The following MAST4 variants were observed in gnomAD, a reference collection of about 807,000 sequenced individuals.
MAST4 encodes the protein microtubule-associated serine/threonine-protein kinase 4.
In MAST4, 89 loss-of-function variants were observed where a neutral mutation model predicts 162.7. That is an observed-to-expected ratio of 0.55 (90% confidence interval 0.46 to 0.65). MAST4 has a LOEUF of 0.65. Among genes scored for constraint, MAST4 ranks in the 30% least tolerant of loss-of-function variants. The probability of loss-of-function intolerance (pLI) is 0.00; values close to 1 mark genes in which losing one functional copy is unlikely to be tolerated. For synonymous variants in MAST4, 1,479 were observed against 1,361.1 expected (o/e 1.09, Z -1.91); for missense variants, 3,153 against 3,374.0 (o/e 0.93, Z 1.62).
At chr5:67,054,004 A>G (rs535379593) in intron 4 of MAST4, among the ~76,000 whole-genome samples, 2 of 152,258 alleles carry the variant, frequency 1.3e-5, no homozygotes, top group Non-Finnish European at 2.9e-5. Flanking sequence ...GTGCGTCATT[A>G]TAAGATTAAT....
intron 27 of MAST4, among the ~76,000 whole-genome samples, chr5:67,161,644 G>A (rs1048730395): frequency 5.3e-5 from 8 of 152,182 alleles, no homozygotes; most frequent in Non-Finnish European, 7.3e-5. Flanking sequence ...AATACAAAGC[G>A]ACTTCTTTGG....
At chr5:67,110,758 T>G (rs1369110385) in intron 11 of MAST4, among the ~76,000 whole-genome samples, 1 of 152,226 alleles carries the variant, frequency 6.6e-6, no homozygotes, top group Non-Finnish European at 1.5e-5. Context: ...ATGTGGTGGC[T>G]CACGCCTGTA....
chr5:66,692,505 G>A lies in MAST4; in HGVS notation c.364-67204G>A, dbSNP rs183592635. On this transcript the variant is annotated intron_variant, in intron 1 of 28. Coordinates refer to ENST00000403625, the MANE Select transcript of MAST4 (RefSeq NM_001164664.2). The stretch of plus-strand genomic sequence containing the variant: ...GCCCATGTTCATCTTCCATCCCTGG[G>A]AGATGAACCAGGGCTATTCCGCAAG... Among the ~76,000 whole-genome samples, 967 of 151,764 alleles carry A rather than the reference G, an allele frequency of 6.4e-3. 30 individuals are homozygous for A. The highest frequency in any genetic ancestry group is 0.057 in the Admixed American group (871 of 15,216).
chr5:66,858,631 T>C (rs1424006594), intron 3 of MAST4, among the ~76,000 whole-genome samples: 1 of 152,232 alleles, frequency 6.6e-6, no homozygotes, highest in Non-Finnish European at 1.5e-5. Flanking sequence ...GTTCTTCTTT[T>C]ATTTAGAATT....
intron 10 of MAST4, among the ~76,000 whole-genome samples, 177 bp from the exon 11 acceptor site, chr5:67,109,921 G>T (rs148630392): frequency 6.6e-6 from 1 of 152,144 alleles, no homozygotes; most frequent in Non-Finnish European, 1.5e-5. Flanking sequence ...AGATATAGGC[G>T]TTTAATAGTG....
chr5:66,997,590 C>T (rs1750814377), intron 4 of MAST4, among the ~76,000 whole-genome samples: 1 of 152,054 alleles, frequency 6.6e-6, no homozygotes, highest in African/African-American at 2.4e-5. Context: ...TGCCACCATG[C>T]CCAGCTAATT....
At chr5:66,927,089 G>T (rs6862597) in intron 4 of MAST4, among the ~76,000 whole-genome samples, 20,657 of 152,038 alleles carry the variant, frequency 0.14, 1,971 homozygotes, top group African/African-American at 0.27. Flanking sequence ...ATTTCCTCTC[G>T]TTTTCTTTTA....
chr5:66,616,023 C>A (rs942525583), intron 1 of MAST4, among the ~76,000 whole-genome samples: 1 of 152,232 alleles, frequency 6.6e-6, no homozygotes, highest in Non-Finnish European at 1.5e-5. Context: ...GAGAGCAGAG[C>A]CCTTGCTTGT....
chr5:66,890,413 A>C (rs1762294599), intron 3 of MAST4, among the ~76,000 whole-genome samples: 1 of 152,156 alleles, frequency 6.6e-6, no homozygotes, highest in Non-Finnish European at 1.5e-5. Context: ...TCAAGGGTAT[A>C]ATGTGTTAGG....
intron 9 of MAST4, among the ~76,000 whole-genome samples, chr5:67,103,143 G>A (rs1765213647): frequency 6.6e-6 from 1 of 152,256 alleles, no homozygotes. Flanking sequence ...ACTGGTAAAG[G>A]AACATGAATT....
intron 1 of MAST4, among the ~76,000 whole-genome samples, chr5:66,731,067 C>A (rs1245937314): frequency 1.3e-5 from 2 of 152,112 alleles, no homozygotes; most frequent in Non-Finnish European, 2.9e-5. Context: ...ATAAAATAAG[C>A]ATTATCCCAC....
chr5:66,937,043 A>C (rs1248744411), intron 4 of MAST4, among the ~76,000 whole-genome samples: 1 of 152,050 alleles, frequency 6.6e-6, no homozygotes, highest in Admixed American at 6.6e-5. Context: ...GTAAGCTTTC[A>C]CTCATTGGAG....
rs907095073 is a variant in MAST4, at chr5:67,097,931, A to G, written c.912+2256A>G. 3.9e-5 allele frequency among the ~76,000 whole-genome samples: 6 copies of G among 152,028 alleles called. No individual in the cohort carries two copies. In the East Asian group the frequency reaches 5.8e-4, roughly 15 times the overall value. On this transcript the variant is annotated intron_variant, in intron 7 of 28. Coordinates refer to ENST00000403625, the MANE Select transcript of MAST4 (RefSeq NM_001164664.2). Reference sequence around the variant, plus strand: ...TTTTTCTCAGTTTCTTTGTGTTTCTATTCTTTAAATATTAGGGCAAAAACT... The same window carrying G: ...TTTTTCTCAGTTTCTTTGTGTTTCTGTTCTTTAAATATTAGGGCAAAAACT...
At chr5:66,811,355 G>A (rs894373660) in intron 3 of MAST4, among the ~76,000 whole-genome samples, 2 of 152,130 alleles carry the variant, frequency 1.3e-5, no homozygotes, top group African/African-American at 2.4e-5. Flanking sequence ...CCATTTTTGG[G>A]TAGGAGGGAA....
intron 1 of MAST4, among the ~76,000 whole-genome samples, chr5:66,634,648 T>A (rs1049648879): frequency 1.3e-5 from 2 of 152,158 alleles, no homozygotes; most frequent in Non-Finnish European, 2.9e-5. Context: ...AGGGAGCAAA[T>A]AATCATAATA....
chr5:67,104,401 T>C lies in MAST4; in HGVS notation c.1182T>C (p.Ile394=). Residue 394 remains isoleucine, a synonymous_variant, in exon 10 of 29, where the codon ATT becomes ATC. Coordinates refer to ENST00000403625, the MANE Select transcript of MAST4 (RefSeq NM_001164664.2). ...TAQMEERLKE[I]ITSYSPDNVL... is the part of the protein sequence containing the mutation. ...AGATGGAAGAACGTCTAAAGGAAATTATCACCAGCTACTCTCCTGACAACG... is the reference window on the plus strand; with the variant it reads ...AGATGGAAGAACGTCTAAAGGAAATCATCACCAGCTACTCTCCTGACAACG... The C allele has an allele frequency of 6.2e-7, 1 of 1,613,882 alleles. No homozygotes were observed. The highest frequency in any genetic ancestry group is 8.5e-7 in the Non-Finnish European group (1 of 1,179,812).
At chr5:66,686,102 G>T (rs186473156) in intron 1 of MAST4, among the ~76,000 whole-genome samples, 2 of 152,062 alleles carry the variant, frequency 1.3e-5, no homozygotes, top group African/African-American at 4.8e-5. Flanking sequence ...CCTGGGTGTC[G>T]CGGACCTCTG....
At chr5:66,994,634 A>G (rs1204670166) in intron 4 of MAST4, among the ~76,000 whole-genome samples, 1 of 152,220 alleles carries the variant, frequency 6.6e-6, no homozygotes, top group Non-Finnish European at 1.5e-5. Context: ...ATTGAATACA[A>G]GAATATTTCT....
intron 3 of MAST4, among the ~76,000 whole-genome samples, chr5:66,892,744 T>C (rs1388109665): frequency 6.6e-6 from 1 of 152,158 alleles, no homozygotes; most frequent in Non-Finnish European, 1.5e-5. Flanking sequence ...CTCTCTGACA[T>C]TGCCGTGGTG....
Sources: allele counts gnomAD v4.1 joint callset (sites outside exome capture counted in the v4.1 genomes callset), GRCh38; gene constraint gnomAD v4.1.1; transcripts MANE v1.5; gene names NCBI Gene and HGNC (gene_info 2026-07-23, HGNC 2026-07-21).